The following FARS2 variants were observed in gnomAD, a reference collection of about 807,000 sequenced individuals.
The protein encoded by FARS2 is phenylalanyl-tRNA synthetase 2, mitochondrial.
A neutral mutation model predicts 46.4 loss-of-function variants in FARS2; 40 were observed. That is an observed-to-expected ratio of 0.86 (90% CI 0.67 to 1.12). The LOEUF is 1.12. FARS2 is among the 50% of genes most tolerant of loss of function. FARS2 has a pLI of 0.00. For synonymous variants in FARS2, 234 were observed against 214.9 expected (o/e 1.09, Z -0.78); for missense variants, 513 against 567.9 (o/e 0.90, Z 0.98).
At chr6:5,282,158 G>A (rs1320831321) in intron 1 of FARS2, among the ~76,000 whole-genome samples, 1 of 152,196 alleles carries the variant, frequency 6.6e-6, no homozygotes, top group Non-Finnish European at 1.5e-5. Flanking sequence ...CATTTAATGA[G>A]CAATAGGAAT....
chr6:5,613,157 T>A lies in FARS2; in HGVS notation c.1066-12T>A, dbSNP rs1479548485. On this transcript the variant is annotated splice_polypyrimidine_tract_variant and intron_variant, in intron 5 of 6. Coordinates refer to ENST00000274680, the MANE Select transcript of FARS2 (RefSeq NM_006567.5). ...ACAAGTTCATGTATCTTTTCTCCTC[T>A]TGTTTTGTTAGCCTCTTAGCAAATA... The A allele has an allele frequency of 6.2e-7, 1 of 1,609,408 alleles. No individual in the cohort carries two copies.
At chr6:5,723,673 T>C (rs900056448) in intron 6 of FARS2, among the ~76,000 whole-genome samples, 4 of 152,234 alleles carry the variant, frequency 2.6e-5, no homozygotes, top group Non-Finnish European at 4.4e-5. Context: ...TGTTTTTGTT[T>C]TGCGTGTGAG....
Position 5,496,890 on chromosome 6 carries a change from C to T in FARS2, c.905-48290C>T, listed in dbSNP as rs927642900. 3.9e-5 allele frequency among the ~76,000 whole-genome samples: 6 copies of T among 152,136 alleles called. No individual in the cohort carries two copies. In the South Asian group the frequency reaches 8.3e-4, roughly 21 times the overall value. On this transcript the variant is annotated intron_variant, in intron 4 of 6. Coordinates refer to ENST00000274680, the MANE Select transcript of FARS2 (RefSeq NM_006567.5). ...TAGAGGTAGAGGTCTCACTATATTGCCTAGGCTGGATTCAAACTCCTGACC... is the reference window on the plus strand; with the variant it reads ...TAGAGGTAGAGGTCTCACTATATTGTCTAGGCTGGATTCAAACTCCTGACC...
intron 3 of FARS2, among the ~76,000 whole-genome samples, chr6:5,425,142 A>G (rs1762774084): frequency 1.3e-5 from 2 of 152,232 alleles, no homozygotes; most frequent in Admixed American, 6.5e-5. Flanking sequence ...AATAATGCCA[A>G]ACACCAGTGG....
intron 4 of FARS2, among the ~76,000 whole-genome samples, chr6:5,511,598 A>G (rs1768456980): frequency 6.6e-6 from 1 of 152,222 alleles, no homozygotes; most frequent in Non-Finnish European, 1.5e-5. Flanking sequence ...AAAGAGAAAA[A>G]CAGAAGAGTC....
rs537291447 is a variant in FARS2 at position 5,582,512 on chromosome 6, A to G, written c.1066-30657A>G. Among the ~76,000 whole-genome samples the G allele has an allele frequency of 3.3e-5, 5 of 152,368 alleles. No individual in the cohort carries two copies. The East Asian group carries it at 9.6e-4, about 29-fold the overall frequency. ...TGCAGATGAGGGAACTGACATTTAG[A>G]GAATTTAGACATCTGTCCTACGGTA... is the stretch of plus-strand genomic sequence containing the variant. On this transcript the variant is annotated intron_variant, in intron 5 of 6. Coordinates refer to ENST00000274680, the MANE Select transcript of FARS2 (RefSeq NM_006567.5).
At chr6:5,351,308 G>A (rs907555649) in intron 1 of FARS2, among the ~76,000 whole-genome samples, 7 of 152,288 alleles carry the variant, frequency 4.6e-5, no homozygotes, top group Non-Finnish European at 7.4e-5. Flanking sequence ...TACTTTTTAT[G>A]AGAGCAGTGA....
intron 1 of FARS2, among the ~76,000 whole-genome samples, chr6:5,299,058 A>T (rs1768099025): frequency 6.6e-6 from 1 of 152,148 alleles, no homozygotes; most frequent in Non-Finnish European, 1.5e-5. Flanking sequence ...GGGTTGCTAA[A>T]ATATAGATCT....
chr6:5,415,710 C>T (rs923452276), intron 3 of FARS2, among the ~76,000 whole-genome samples: 2 of 151,762 alleles, frequency 1.3e-5, no homozygotes, highest in African/African-American at 4.8e-5. Context: ...ATATTTTGCC[C>T]ATTTGTTTTC....
chr6:5,454,677 C>T (rs1474924274), intron 4 of FARS2, among the ~76,000 whole-genome samples: 1 of 152,136 alleles, frequency 6.6e-6, no homozygotes, highest in Non-Finnish European at 1.5e-5. Context: ...TAACAGTTAA[C>T]TCTCGGTCCC....
chr6:5,433,945 G>T (rs7756757), intron 4 of FARS2, among the ~76,000 whole-genome samples: 68 of 152,250 alleles, frequency 4.5e-4, no homozygotes, highest in Non-Finnish European at 8.8e-4. Flanking sequence ...ATTATTGCAC[G>T]TTAATGAGGC....
At chr6:5,617,306 C>G (rs1582595986) in intron 6 of FARS2, among the ~76,000 whole-genome samples, 1 of 152,326 alleles carries the variant, frequency 6.6e-6, no homozygotes, top group East Asian at 1.9e-4. Flanking sequence ...ACTGATCTTA[C>G]AATGTCTTGA....
At chr6:5,594,814 A>G (rs1339909288) in intron 5 of FARS2, among the ~76,000 whole-genome samples, 2 of 152,174 alleles carry the variant, frequency 1.3e-5, no homozygotes, top group Admixed American at 6.5e-5. Flanking sequence ...GAGGGGTTCG[A>G]TGAGGCCGAT....
intron 2 of FARS2, among the ~76,000 whole-genome samples, chr6:5,394,220 C>G (rs938205434): frequency 3.3e-5 from 5 of 152,200 alleles, no homozygotes; most frequent in Admixed American, 3.3e-4. Context: ...ATATATGCTG[C>G]TGAGGTGAGC....
intron 3 of FARS2, among the ~76,000 whole-genome samples, chr6:5,406,323 C>G (rs751758353): frequency 1.4e-4 from 21 of 152,180 alleles, no homozygotes; most frequent in Non-Finnish European, 2.4e-4. Context: ...CACAGTCTTA[C>G]AAGTTTTGAC....
intron 6 of FARS2, among the ~76,000 whole-genome samples, chr6:5,745,961 G>A (rs1315807224): frequency 6.6e-6 from 1 of 152,178 alleles, no homozygotes; most frequent in Non-Finnish European, 1.5e-5. Context: ...AAAAGGCTGT[G>A]AGGAGGCAAC....
chr6:5,338,261 C>T (rs1315649113), intron 1 of FARS2, among the ~76,000 whole-genome samples: 1 of 152,092 alleles, frequency 6.6e-6, no homozygotes, highest in African/African-American at 2.4e-5. Context: ...ATGTGAATTT[C>T]CTACTAACTA....
intron 6 of FARS2, among the ~76,000 whole-genome samples, chr6:5,749,511 C>T (rs1400546585): frequency 6.6e-6 from 1 of 152,196 alleles, no homozygotes; most frequent in Non-Finnish European, 1.5e-5. Context: ...CTCCTTGGGA[C>T]TGGCACTGAC....
At chr6:5,378,186 C>A (rs909136846) in intron 2 of FARS2, among the ~76,000 whole-genome samples, 9 of 152,084 alleles carry the variant, frequency 5.9e-5, no homozygotes, top group Non-Finnish European at 1.2e-4. Context: ...GCTCATTCGC[C>A]ATTTCCTCAT....
Sources: allele counts gnomAD v4.1 joint callset (sites outside exome capture counted in the v4.1 genomes callset), GRCh38; gene constraint gnomAD v4.1.1; transcripts MANE v1.5; gene names NCBI Gene and HGNC (gene_info 2026-07-23, HGNC 2026-07-21).